The following GRM5 variants were observed in gnomAD, a reference collection of about 807,000 sequenced individuals.
GRM5 encodes the protein metabotropic glutamate receptor 5.
In GRM5, 19 loss-of-function variants were observed where a neutral mutation model predicts 83.1. The ratio of observed to expected loss-of-function variants is 0.23; its 90% CI spans 0.16 to 0.34. GRM5 has a LOEUF of 0.34. GRM5 is among the 10% of genes least tolerant of loss of function. The pLI, the probability that GRM5 is intolerant of heterozygous loss-of-function variation, is 1.00. For synonymous variants in GRM5, 675 were observed against 633.6 expected (o/e 1.07, Z -0.98); for missense variants, 1,160 against 1,588.3 (o/e 0.73, Z 4.58).
rs1363600954 is a variant in GRM5, at chr11:88,986,098, T to C, written c.661+61114A>G. ...ATGATTATGGCAGGCTTATTACAGA[T>C]ATCCTTAAATGGATGAACGTTTAAA... On this transcript the variant is annotated intron_variant, in intron 2 of 9. Coordinates refer to ENST00000305447, the MANE Select transcript of GRM5 (RefSeq NM_001143831.3). Among the ~76,000 whole-genome samples the C allele has an allele frequency of 2.0e-5, 3 of 152,192 alleles. No individual in the cohort carries two copies. The East Asian group carries it at 5.8e-4, about 29-fold the overall frequency.
chr11:88,836,466 A>G lies in GRM5; in HGVS notation c.911+13440T>C, dbSNP rs530645373. On this transcript the variant is annotated intron_variant, in intron 3 of 9. Transcript: ENST00000305447. Reference sequence around the variant, plus strand: ...GTGTGTGTGTATATATATGTATGATAGTTCACATCTTCTGTTAATTCCACC... The same window carrying G: ...GTGTGTGTGTATATATATGTATGATGGTTCACATCTTCTGTTAATTCCACC... 7.2e-5 allele frequency among the ~76,000 whole-genome samples: 11 copies of G among 152,334 alleles called. No individual in the cohort carries two copies. In the South Asian group the frequency reaches 2.3e-3, roughly 32 times the overall value.
intron 3 of GRM5, among the ~76,000 whole-genome samples, chr11:88,728,354 A>T (rs1941727195): frequency 1.3e-5 from 2 of 152,142 alleles, no homozygotes; most frequent in African/African-American, 4.8e-5. Flanking sequence ...ATAGACTAAT[A>T]ACAAGTTCTG....
At chr11:88,593,951 G>T (rs1937724276) in intron 6 of GRM5, among the ~76,000 whole-genome samples, 1 of 151,658 alleles carries the variant, frequency 6.6e-6, no homozygotes. Flanking sequence ...CTGCCAACTT[G>T]CCTGGCTAAT....
At chr11:88,612,199 T>C (rs1387010183) in intron 4 of GRM5, among the ~76,000 whole-genome samples, 2 of 145,646 alleles carry the variant, frequency 1.4e-5, no homozygotes, top group East Asian at 4.1e-4. Flanking sequence ...TTCCCACCTA[T>C]GAGTGAGAAT....
At chr11:89,004,891 T>C (rs1282440724) in intron 2 of GRM5, among the ~76,000 whole-genome samples, 1 of 152,244 alleles carries the variant, frequency 6.6e-6, no homozygotes, top group Admixed American at 6.5e-5. Flanking sequence ...TTAAAGACAC[T>C]GTCCTTCAAA....
chr11:89,020,184 G>T (rs1940948564), intron 2 of GRM5, among the ~76,000 whole-genome samples: 1 of 152,168 alleles, frequency 6.6e-6, no homozygotes, highest in Non-Finnish European at 1.5e-5. Flanking sequence ...CCTATTTATA[G>T]TGTACAAGTG....
chr11:88,749,730 C>A (rs1186512252), intron 3 of GRM5, among the ~76,000 whole-genome samples: 1 of 152,176 alleles, frequency 6.6e-6, no homozygotes, highest in East Asian at 1.9e-4. Flanking sequence ...ACCTATTAGA[C>A]TAACAGTGGA....
intron 2 of GRM5, among the ~76,000 whole-genome samples, chr11:89,008,289 T>C (rs1014560254): frequency 2.6e-5 from 4 of 152,088 alleles, no homozygotes; most frequent in African/African-American, 7.2e-5. Context: ...ATAAAAGACA[T>C]GGTTAGCTGG....
chr11:89,001,716 C>A (rs995730775), intron 2 of GRM5, among the ~76,000 whole-genome samples: 2 of 152,052 alleles, frequency 1.3e-5, no homozygotes, highest in Admixed American at 1.3e-4. Flanking sequence ...GTATTTGAGA[C>A]CTCTCTATAT....
intron 2 of GRM5, among the ~76,000 whole-genome samples, chr11:88,853,588 CAT>C (rs71946991): frequency 0.41 from 62,259 of 151,416 alleles, 12,912 homozygotes; most frequent in East Asian, 0.5. Flanking sequence ...TTTAAAAAGA[CAT>C]ATTCATATTA....
At chr11:88,603,914 C>T (rs1017246032) in intron 5 of GRM5, among the ~76,000 whole-genome samples, 2 of 152,142 alleles carry the variant, frequency 1.3e-5, no homozygotes, top group African/African-American at 4.8e-5. Flanking sequence ...GCTAGAAGGG[C>T]ACTGAGAGAC....
intron 5 of GRM5, among the ~76,000 whole-genome samples, 156 bp downstream of exon 5, chr11:88,604,562 T>C (rs1484249790): frequency 6.6e-6 from 1 of 152,182 alleles, no homozygotes; most frequent in Non-Finnish European, 1.5e-5. Flanking sequence ...GAAATGGGGC[T>C]TCTTCTCTCT....
At position 89,048,028 on chromosome 11, in the gene GRM5, T is replaced by A; in HGVS notation, c.-156A>T. On this transcript the variant is annotated 5_prime_UTR_variant, in exon 2 of 10. An upstream start codon of the reference 5' UTR is lost. Transcript: ENST00000305447. ...TTTCTAAAGGACCATTTTGTCCCCATGTACCATTTAGTTAGATGATCCATG... is the reference window on the plus strand; with the variant it reads ...TTTCTAAAGGACCATTTTGTCCCCAAGTACCATTTAGTTAGATGATCCATG... 3.3e-6 allele frequency: 2 copies of A among 612,036 alleles called. No individual in the cohort carries two copies. Among genetic ancestry groups the A allele is most frequent in the East Asian group, 5.5e-5 (2 of 36,302 alleles). 37.9% of individuals were successfully genotyped at this position (612,036 alleles called of 1,614,324 possible). A position where few individuals can be genotyped will look rare whatever the true frequency, so the allele number is the denominator to read the frequency against.
chr11:88,859,079 T>C (rs1944520362), intron 2 of GRM5, among the ~76,000 whole-genome samples: 1 of 151,894 alleles, frequency 6.6e-6, no homozygotes, highest in African/African-American at 2.4e-5. Context: ...TTTTACACTC[T>C]TTTTTTTAAA....
At chr11:89,039,027 A>T (rs1430345345) in intron 2 of GRM5, among the ~76,000 whole-genome samples, 2 of 152,124 alleles carry the variant, frequency 1.3e-5, no homozygotes, top group African/African-American at 4.8e-5. Flanking sequence ...GCACTTTGGA[A>T]GTCCAAGGCA....
intron 2 of GRM5, among the ~76,000 whole-genome samples, chr11:88,864,952 A>G (rs1944637269): frequency 6.6e-6 from 1 of 151,992 alleles, no homozygotes; most frequent in Non-Finnish European, 1.5e-5. Context: ...GGTTTTATTT[A>G]TGTGATGGAT....
intron 3 of GRM5, among the ~76,000 whole-genome samples, chr11:88,834,011 T>C (rs916462435): frequency 6.6e-6 from 1 of 152,122 alleles, no homozygotes; most frequent in African/African-American, 2.4e-5. Context: ...GTAAAAACAA[T>C]TGTACAATTA....
At chr11:88,711,533 G>A (rs1412850605) in intron 3 of GRM5, among the ~76,000 whole-genome samples, 3 of 152,060 alleles carry the variant, frequency 2.0e-5, no homozygotes, top group Admixed American at 2.0e-4. Context: ...ATGCTGACAG[G>A]TACTTCTCCA....
At chr11:88,835,132 G>T (rs904843642) in intron 3 of GRM5, among the ~76,000 whole-genome samples, 4 of 152,154 alleles carry the variant, frequency 2.6e-5, no homozygotes, top group Non-Finnish European at 5.9e-5. Context: ...AAAATGAAAA[G>T]TTCCAGGGAT....
Sources: gnomAD v4.1 joint callset for allele counts (sites outside exome capture counted in the v4.1 genomes callset) on GRCh38, gnomAD v4.1.1 for gene constraint, MANE v1.5 for transcripts, NCBI Gene and HGNC (gene_info 2026-07-23, HGNC 2026-07-21) for gene names.